The following ACACA variants were observed in gnomAD, a reference collection of about 807,000 sequenced individuals.
ACACA encodes acetyl-CoA carboxylase alpha.
In ACACA, 103 loss-of-function variants were observed where a neutral mutation model predicts 296.1. The observed-to-expected ratio is 0.35, with a 90% CI of 0.30 to 0.41. The LOEUF is 0.41. Ranked by LOEUF, ACACA falls within the 10% of genes least tolerant of loss-of-function variation. The probability of loss-of-function intolerance (pLI) is 1.00; values close to 1 mark genes in which losing one functional copy is unlikely to be tolerated. For missense variants in ACACA, 1,554 were observed against 2,989.7 expected, an observed-to-expected ratio of 0.52 and a Z score of 11.20; for synonymous variants, 953 against 1,038.6, an observed-to-expected ratio of 0.92 and a Z score of 1.58.
intron 45 of ACACA, chr17:37,143,969 G>A (rs895711353): frequency 9.7e-6 from 9 of 925,014 alleles, no homozygotes; most frequent in East Asian, 4.8e-5. Flanking sequence ...ATTTTTGGGC[G>A]ATACTCAGAA....
chr17:37,096,092 T>C (rs943819412), intron 54 of ACACA, among the ~76,000 whole-genome samples: 21 of 152,324 alleles, frequency 1.4e-4, no homozygotes, highest in Non-Finnish European at 2.5e-4. Context: ...TAGGCAGCTC[T>C]TTAGTTGTAG....
rs959320483 is a variant in ACACA at position 37,292,544 on chromosome 17, A to G, written c.339-7574T>C. Among the ~76,000 whole-genome samples the G allele has an allele frequency of 3.3e-5, 5 of 152,224 alleles. No individual in the cohort carries two copies. The East Asian group carries it at 9.6e-4, about 29-fold the overall frequency. ...TGAAAGATTTCAAAATGAAAAGAAG[A>G]GAATAAAAAAGGATAAAGAGTTTAA... is the stretch of plus-strand genomic sequence containing the variant. On this transcript the variant is annotated intron_variant, in intron 3 of 55. Transcript: ENST00000616317.
At chr17:37,276,142 T>G in intron 7 of ACACA, 93 bp from the exon 8 acceptor site, 1 of 930,718 alleles carries the variant, frequency 1.1e-6, no homozygotes, top group South Asian at 1.3e-5. Flanking sequence ...ATTTATGTAT[T>G]TGTCTTGTCC....
intron 52 of ACACA, among the ~76,000 whole-genome samples, chr17:37,108,811 C>A (rs2073833839): frequency 6.6e-6 from 1 of 152,204 alleles, no homozygotes; most frequent in African/African-American, 2.4e-5. Context: ...ACATCCACTC[C>A]TACAGGCTTT....
At chr17:37,337,849 G>C (rs183776635) in intron 2 of ACACA, among the ~76,000 whole-genome samples, 1 of 152,154 alleles carries the variant, frequency 6.6e-6, no homozygotes, top group Non-Finnish European at 1.5e-5. Context: ...TGTAATCCCA[G>C]CACTTTGGGA....
At chr17:37,210,644 C>T (rs1376319141) in intron 29 of ACACA, among the ~76,000 whole-genome samples, 154 bp from the exon 30 acceptor site, 4 of 151,384 alleles carry the variant, frequency 2.6e-5, no homozygotes, top group Non-Finnish European at 5.9e-5. Context: ...CCTTCAACCC[C>T]CAGGATACCT....
chr17:37,405,619 C>G (rs988841401), intron 1 of ACACA, among the ~76,000 whole-genome samples: 5 of 152,154 alleles, frequency 3.3e-5, no homozygotes, highest in Admixed American at 1.3e-4. Context: ...ATGGCAAGAT[C>G]TTGGCTCATT....
At chr17:37,318,794 T>C (rs1196174078) in intron 3 of ACACA, among the ~76,000 whole-genome samples, 1 of 152,170 alleles carries the variant, frequency 6.6e-6, no homozygotes, top group Non-Finnish European at 1.5e-5. Flanking sequence ...ACTCTATCTC[T>C]ACCACTAGAT....
chr17:37,169,072 G>C (rs1174571826), intron 41 of ACACA, among the ~76,000 whole-genome samples: 1 of 152,180 alleles, frequency 6.6e-6, no homozygotes, highest in Non-Finnish European at 1.5e-5. Context: ...GATAGGCAGG[G>C]AAGGTACTCA....
intron 29 of ACACA, among the ~76,000 whole-genome samples, chr17:37,213,519 ACTTT>A (rs141373029): frequency 5.6e-4 from 86 of 152,310 alleles, no homozygotes; most frequent in Non-Finnish European, 1.1e-3. Flanking sequence ...TATTAGAACC[ACTTT>A]CTTTCTAGTA....
chr17:37,119,891 CTTTCT>C (rs201535677), intron 50 of ACACA, among the ~76,000 whole-genome samples: 4 of 131,150 alleles, frequency 3.0e-5, no homozygotes, highest in African/African-American at 1.3e-4. Context: ...CTTTTTCTTT[CTTTCT>C]TTTTTTTTTT....
chr17:37,253,538 T>C (rs371157448), intron 14 of ACACA, among the ~76,000 whole-genome samples: 4 of 152,102 alleles, frequency 2.6e-5, no homozygotes, highest in African/African-American at 9.7e-5. Context: ...GAGGGAAATT[T>C]GCAAAAAGTC....
intron 38 of ACACA, among the ~76,000 whole-genome samples, chr17:37,190,029 G>GAAA (rs34390024): frequency 7.5e-6 from 1 of 133,430 alleles, no homozygotes; most frequent in Non-Finnish European, 1.6e-5. Flanking sequence ...AAAAGAAAAA[G>GAAA]AAAAAAAAAA....
rs367693267 is a variant in ACACA, at chr17:37,406,284, G to A, written c.16C>T (p.Leu6=). The change falls in exon 1 of 56, where the codon CTG becomes TTG. Residue 6 remains leucine (L), a synonymous_variant. Transcript: ENST00000616317. The part of the protein sequence containing the change: MWWST[L]MSILRARSFW... Reference sequence around the variant, plus strand: ...TACCTAGCCCTCAAGATTGACATCAGAGTAGACCACCACATCCTCTCATCA... The same window carrying A: ...TACCTAGCCCTCAAGATTGACATCAAAGTAGACCACCACATCCTCTCATCA... 171 of 1,614,172 alleles carry A rather than the reference G, an allele frequency of 1.1e-4. 2 individuals are homozygous for A. The East Asian group carries it at 2.1e-3, about 20-fold the overall frequency.
At chr17:37,390,330 A>ATATATATAATATATATATATATC (rs1386032855) in intron 1 of ACACA, among the ~76,000 whole-genome samples, 2 of 41,592 alleles carry the variant, frequency 4.8e-5, no homozygotes, top group Non-Finnish European at 7.5e-5. Flanking sequence ...ATATATATAT[A>ATATATATAATATATATATATATC]TATAAAAGGC....
At chr17:37,299,602 T>G (rs943566189) in intron 3 of ACACA, 3 of 1,265,562 alleles carry the variant, frequency 2.4e-6, no homozygotes, top group African/African-American at 3.0e-5. Flanking sequence ...ACACAATTAG[T>G]TGATTTCCCA....
chr17:37,376,192 G>A, intron 1 of ACACA: 1 of 1,543,776 alleles, frequency 6.5e-7, no homozygotes, highest in Non-Finnish European at 9.0e-7. Flanking sequence ...AATACAGAGA[G>A]AGGCCTAGAA....
At chr17:37,198,415 T>C (rs925911796) in intron 35 of ACACA, among the ~76,000 whole-genome samples, 2 of 152,198 alleles carry the variant, frequency 1.3e-5, no homozygotes, top group African/African-American at 2.4e-5. Context: ...TTTAAGAACC[T>C]AGCACAATAC....
intron 45 of ACACA, chr17:37,143,831 C>G: frequency 7.0e-7 from 1 of 1,431,282 alleles, no homozygotes; most frequent in Non-Finnish European, 9.8e-7. Context: ...GTATCCTTTT[C>G]GTATTTTTCC....
Sources: gnomAD v4.1 joint callset for allele counts (sites outside exome capture counted in the v4.1 genomes callset) on GRCh38, gnomAD v4.1.1 for gene constraint, MANE v1.5 for transcripts, NCBI Gene and HGNC (gene_info 2026-07-23, HGNC 2026-07-21) for gene names.